Variants in TMEM165 observed in about 807,000 individuals in gnomAD.
TMEM165 encodes the protein transmembrane protein 165.
A neutral mutation model predicts 30.0 loss-of-function variants in TMEM165; 19 were observed. The observed-to-expected ratio is 0.63, with a 90% CI of 0.44 to 0.93. TMEM165 has a LOEUF of 0.93. TMEM165 is among the 40% of genes least tolerant of loss of function. The pLI is 0.00. For synonymous variants in TMEM165, 168 were observed against 162.9 expected, an observed-to-expected ratio of 1.03 and a Z score of -0.24; for missense variants, 340 against 417.0, an observed-to-expected ratio of 0.82 and a Z score of 1.61.
Position 55,402,399 on chromosome 4 carries a change from GTGTGTATATATATATATA to G in TMEM165, c.207+6005_207+6022del, listed in dbSNP as rs1205625371. ...TGTTTAAGTGCGTGCGTGTGTGTGTGTGTGTATATATATATATATATATATATATATATATTTTTTTTT... is the reference window on the plus strand; with the variant it reads ...TGTTTAAGTGCGTGCGTGTGTGTGTGTATATATATATATATATTTTTTTTT... On this transcript the variant is annotated intron_variant, in intron 1 of 5. Coordinates refer to ENST00000381334, the MANE Select transcript of TMEM165 (RefSeq NM_018475.5). 3.2e-4 allele frequency among the ~76,000 whole-genome samples: 11 copies of G among 34,294 alleles called. 1 individual carries two copies. The highest frequency in any genetic ancestry group is 1.6e-3 in the African/African-American group (10 of 6,138). The allele number at this position is 34,294 out of a possible 152,430, so 22.5% of individuals were successfully genotyped here. A position where few individuals can be genotyped will look rare whatever the true frequency, so the allele number is the denominator to read the frequency against.
At chr4:55,399,516 TGAGA>T (rs1439541592) in intron 1 of TMEM165, among the ~76,000 whole-genome samples, 1 of 152,172 alleles carries the variant, frequency 6.6e-6, no homozygotes, top group Non-Finnish European at 1.5e-5. Context: ...ATTGTGTGAG[TGAGA>T]GATTATGAAT....
chr4:55,399,553 TTGAAG>T (rs1234581839), intron 1 of TMEM165, among the ~76,000 whole-genome samples: 1 of 152,180 alleles, frequency 6.6e-6, no homozygotes, highest in African/African-American at 2.4e-5. Context: ...AGGTATTTTG[TTGAAG>T]TTTTAGTCAT....
chr4:55,412,714 C>T (rs909242490), intron 2 of TMEM165: 1 of 151,984 alleles, frequency 6.6e-6, no homozygotes, highest in East Asian at 1.9e-4. Flanking sequence ...TGTCCACCCC[C>T]ACTGCTTCAC....
rs912024191 is a variant in TMEM165, at chr4:55,452,060, GCAATTTCTGACATGGCTCA to G, written c.409-173_409-155del. Among the ~76,000 whole-genome samples, 93 of 152,230 alleles carry G rather than the reference GCAATTTCTGACATGGCTCA, an allele frequency of 6.1e-4. 1 individual carries two copies. The highest frequency in any genetic ancestry group is 2.1e-3 in the African/African-American group (86 of 41,536). On this transcript the variant is annotated intron_variant, in intron 3 of 3. Coordinates refer to the TMEM165 transcript ENST00000608091. Reference sequence around the variant, plus strand: ...TGCAGGTCCAAAAATACTGTGGTAGGCAATTTCTGACATGGCTCACAATTCCTGCCTCCTGATATTCATG... The same window carrying G: ...TGCAGGTCCAAAAATACTGTGGTAGGCAATTCCTGCCTCCTGATATTCATG...
intron 1 of TMEM165, chr4:55,396,985 C>T (rs1343193794): frequency 6.6e-6 from 1 of 152,204 alleles, no homozygotes. Flanking sequence ...GATGCCAAAA[C>T]TACATTTATA....
At chr4:55,430,913 A>C (rs1175552030), downstream of TMEM165, 1 of 152,192 alleles carries the variant, frequency 6.6e-6, no homozygotes, top group African/African-American at 2.4e-5. Context: ...CACCACATTC[A>C]AAACAAAAAT....
chr4:55,415,747 G>A (rs146701753), intron 2 of TMEM165: 8 of 152,242 alleles, frequency 5.3e-5, no homozygotes, highest in African/African-American at 1.4e-4. Flanking sequence ...GTTTTGTAAT[G>A]TAGGGAATTA....
intron 3 of TMEM165, among the ~76,000 whole-genome samples, chr4:55,442,799 C>G (rs1393666349): frequency 6.6e-6 from 1 of 151,886 alleles, no homozygotes; most frequent in Non-Finnish European, 1.5e-5. Context: ...CTCGTGGTAA[C>G]TGAGAATGAA....
At chr4:55,402,124 A>AAAAAAAAAAAAAAAAAAAAAGAAAC (rs1553885133) in intron 1 of TMEM165, among the ~76,000 whole-genome samples, 1 of 147,248 alleles carries the variant, frequency 6.8e-6, no homozygotes, top group African/African-American at 2.6e-5. Context: ...GTCTCCAAAA[A>AAAAAAAAAAAAAAAAAAAAAGAAAC]AAAAAAAGAA....
chr4:55,448,601 C>CGTGTGTGTGTGTGTGTGT (rs3034980), intron 3 of TMEM165, among the ~76,000 whole-genome samples: 1 of 116,980 alleles, frequency 8.5e-6, no homozygotes, highest in Non-Finnish European at 1.8e-5. Flanking sequence ...CGCACGCGCG[C>CGTGTGTGTGTGTGTGTGT]GTGTGTGTGT....
Position 55,395,993 on chromosome 4 carries a change from C to G in TMEM165, c.-197C>G, listed in dbSNP as rs532235169. On this transcript the variant is annotated 5_prime_UTR_variant, in exon 1 of 6. Transcript: ENST00000381334. ...AGCCGCCGCCGGAGAGGACGGGCGC[C>G]GAGCCGGGGCTGCGGACTTCGGCCT... 7.5e-6 allele frequency: 3 copies of G among 400,218 alleles called. No individual in the cohort carries two copies. The highest frequency in any genetic ancestry group is 8.2e-5 in the East Asian group (2 of 24,298). 24.8% of individuals were successfully genotyped at this position (400,218 alleles called of 1,614,324 possible). A position where few individuals can be genotyped will look rare whatever the true frequency, so the allele number is the denominator to read the frequency against.
At chr4:55,428,212 A>G (rs1296739652), downstream of TMEM165, 1 of 152,226 alleles carries the variant, frequency 6.6e-6, no homozygotes, top group Admixed American at 6.5e-5. Flanking sequence ...GCACATCATA[A>G]CCTGGAATAA....
At chr4:55,406,129 CA>C (rs890339192) in intron 1 of TMEM165, among the ~76,000 whole-genome samples, 22 of 152,326 alleles carry the variant, frequency 1.4e-4, no homozygotes, top group African/African-American at 5.1e-4. Context: ...GGTAGCCCTA[CA>C]GCTATTAACT....
intron 3 of TMEM165, chr4:55,438,335 C>T (rs748704054): frequency 3.1e-6 from 5 of 1,614,054 alleles, no homozygotes; most frequent in Non-Finnish European, 4.2e-6. Flanking sequence ...GGTTGCTGAA[C>T]TGAAGTGAGC....
In TMEM165 at chr4:55,424,526, G is replaced by A. The variant is rs372776107; in HGVS notation, c.793-12G>A. The stretch of plus-strand genomic sequence containing the variant: ...CTTGGTTTTGAATTAATGCTGTGAC[G>A]CTTGCTTCCAGGACCCCTATGGTGT... On this transcript the variant is annotated splice_polypyrimidine_tract_variant and intron_variant, in intron 4 of 5. Transcript: ENST00000381334. 89 of 1,570,938 alleles carry A rather than the reference G, an allele frequency of 5.7e-5. No homozygotes were observed. The highest frequency in any genetic ancestry group is 7.3e-5 in the Non-Finnish European group (83 of 1,141,466).
downstream of TMEM165, among the ~76,000 whole-genome samples, chr4:55,426,622 A>AGTTC (rs1219354581): frequency 4.6e-5 from 7 of 152,356 alleles, no homozygotes; most frequent in East Asian, 1.2e-3. Flanking sequence ...ATTGAAGGAC[A>AGTTC]ATTCTACAGA....
At position 55,438,201 on chromosome 4, in the gene TMEM165, C is replaced by T. The variant is rs1445355415; in HGVS notation, c.408+13558C>T. On this transcript the variant is annotated intron_variant, in intron 3 of 3. Transcript: ENST00000608091. ...GCTTTTGTGAATTTTTCACATCACT[C>T]ACAAATCTGTTCACTTAATGCTTAA... 5.9e-6 allele frequency: 9 copies of T among 1,514,532 alleles called. No homozygotes were observed. The African/African-American group carries it at 1.2e-4, about 21-fold the overall frequency. The allele number at this position is 1,514,532 out of a possible 1,614,324, so 93.8% of individuals were successfully genotyped here.
At chr4:55,427,855 C>A (rs115532203), downstream of TMEM165, 8 of 152,192 alleles carry the variant, frequency 5.3e-5, no homozygotes, top group African/African-American at 1.9e-4. Context: ...AGGTAAAAAT[C>A]GCTACTGCAA....
chr4:55,396,214 G>A lies in TMEM165; in HGVS notation c.25G>A (p.Gly9Ser). ...GATGGCGGCCGCGGCTCCAGGGAAC[G>A]GCCGCGCATCGGCGCCCCGGCTGCT... Reference protein sequence around the residue: MAAAAPGNGRASAPRLLLL... With the variant: MAAAAPGNSRASAPRLLLL... The change falls in exon 1 of 6, where the codon GGC (glycine) becomes AGC (serine). Residue 9 changes from glycine to serine, a missense_variant. Physicochemically the swap from Gly to Ser is moderately conservative, Grantham distance 56 (BLOSUM62 0). Transcript: ENST00000381334. The A allele has an allele frequency of 6.9e-7, 1 of 1,447,976 alleles. No homozygotes were observed. Among genetic ancestry groups the A allele is most frequent in the Non-Finnish European group, 9.1e-7 (1 of 1,103,670 alleles). 89.7% of individuals were successfully genotyped at this position (1,447,976 alleles called of 1,614,324 possible). A position where few individuals can be genotyped will look rare whatever the true frequency, so the allele number is the denominator to read the frequency against.
Sources: gnomAD v4.1 joint callset for allele counts (sites outside exome capture counted in the v4.1 genomes callset) on GRCh38, gnomAD v4.1.1 for gene constraint, MANE v1.5 for transcripts, NCBI Gene and HGNC (gene_info 2026-07-23, HGNC 2026-07-21) for gene names.